The following PDE7A variants were observed in gnomAD, a reference collection of about 807,000 sequenced individuals.
PDE7A encodes the protein high affinity 3',5'-cyclic-AMP phosphodiesterase 7A.
Under a neutral mutation model 64.3 loss-of-function variants are expected in PDE7A, and 39 were observed. That is an observed-to-expected ratio of 0.61 (90% CI 0.47 to 0.79). PDE7A has a LOEUF of 0.79. PDE7A is among the 30% of genes least tolerant of loss of function. The probability of loss-of-function intolerance (pLI) is 0.00; values close to 1 mark genes in which losing one functional copy is unlikely to be tolerated. For synonymous variants in PDE7A, 203 were observed against 206.8 expected, an observed-to-expected ratio of 0.98 and a Z score of 0.16; for missense variants, 470 against 582.8, an observed-to-expected ratio of 0.81 and a Z score of 1.99.
At chr8:65,737,122 A>G (rs1209952936) in intron 6 of PDE7A, among the ~76,000 whole-genome samples, 1 of 151,974 alleles carries the variant, frequency 6.6e-6, no homozygotes, top group Non-Finnish European at 1.5e-5. Context: ...AAACAAACTA[A>G]CTAAAAACAC....
At chr8:65,745,275 G>A in intron 5 of PDE7A, 132 bp downstream of exon 5, 1 of 668,456 alleles carries the variant, frequency 1.5e-6, no homozygotes, top group Non-Finnish European at 2.7e-6. Flanking sequence ...TGTGAAAATG[G>A]ACTAATACAC....
Position 65,801,949 on chromosome 8 carries a change from CTT to C in PDE7A, c.139-19108_139-19107del, listed in dbSNP as rs139426281. Among the ~76,000 whole-genome samples, 1,121 of 152,274 alleles carry C rather than the reference CTT, an allele frequency of 7.4e-3. 3 individuals carry two copies. The highest frequency in any genetic ancestry group is 0.012 in the Non-Finnish European group (822 of 68,008). The stretch of plus-strand genomic sequence containing the variant: ...GTATTTAGCATATGTAATTATAACA[CTT>C]TGTTTAAAATAGAAGAGACAAAAAA... On this transcript the variant is annotated intron_variant, in intron 1 of 12. Coordinates refer to ENST00000401827, the MANE Select transcript of PDE7A (RefSeq NM_001242318.3).
intron 1 of PDE7A, among the ~76,000 whole-genome samples, chr8:65,793,906 CT>C (rs994985347): frequency 3.3e-5 from 5 of 152,182 alleles, no homozygotes; most frequent in Non-Finnish European, 7.4e-5. Flanking sequence ...CTTCTTACAA[CT>C]TTCTACAATT....
At chr8:65,832,501 T>C (rs1295150831) in intron 1 of PDE7A, among the ~76,000 whole-genome samples, 1 of 152,204 alleles carries the variant, frequency 6.6e-6, no homozygotes, top group African/African-American at 2.4e-5. Context: ...ATTGTGTACA[T>C]GTAACCTTCA....
chr8:65,776,800 C>T (rs1490397604), intron 3 of PDE7A, among the ~76,000 whole-genome samples: 3 of 152,146 alleles, frequency 2.0e-5, no homozygotes, highest in Non-Finnish European at 4.4e-5. Context: ...ACTATGTCAT[C>T]CATAAAAATG....
At chr8:65,801,799 T>C (rs1249866681) in intron 1 of PDE7A, among the ~76,000 whole-genome samples, 1 of 152,170 alleles carries the variant, frequency 6.6e-6, no homozygotes, top group African/African-American at 2.4e-5. Flanking sequence ...CTAACAGCAA[T>C]GTAACTTAAG....
chr8:65,741,676 G>A (rs1251839896), intron 5 of PDE7A, among the ~76,000 whole-genome samples: 1 of 152,214 alleles, frequency 6.6e-6, no homozygotes, highest in African/African-American at 2.4e-5. Context: ...ATGTGGTGTG[G>A]AGCCATTTCT....
chr8:65,732,924 G>A (rs569657207), intron 7 of PDE7A, among the ~76,000 whole-genome samples: 1 of 151,892 alleles, frequency 6.6e-6, no homozygotes, highest in African/African-American at 2.4e-5. Flanking sequence ...TGACCAGGCT[G>A]GTCTCAAACT....
At chr8:65,769,724 C>G (rs1391656021) in intron 3 of PDE7A, among the ~76,000 whole-genome samples, 1 of 152,010 alleles carries the variant, frequency 6.6e-6, no homozygotes, top group Non-Finnish European at 1.5e-5. Flanking sequence ...AGTGAAACCC[C>G]GTCTCTACTG....
intron 3 of PDE7A, among the ~76,000 whole-genome samples, chr8:65,774,183 T>C (rs930474870): frequency 3.8e-4 from 58 of 152,350 alleles, no homozygotes; most frequent in African/African-American, 1.3e-3. Context: ...AGAAAAACTA[T>C]GTATTGAATC....
intron 3 of PDE7A, among the ~76,000 whole-genome samples, chr8:65,777,507 T>C (rs1451299271): frequency 6.6e-6 from 1 of 152,230 alleles, no homozygotes; most frequent in Non-Finnish European, 1.5e-5. Context: ...TATAATTTGA[T>C]AATATGTTAT....
chr8:65,802,147 T>G (rs1033334680), intron 1 of PDE7A, among the ~76,000 whole-genome samples: 8 of 152,006 alleles, frequency 5.3e-5, no homozygotes, highest in Non-Finnish European at 1.0e-4. Context: ...ACACAGAAAG[T>G]AGAATAGAGG....
chr8:65,719,299 C>T lies in PDE7A; in HGVS notation c.1440G>A (p.Arg480=), dbSNP rs753381972. 1.2e-6 allele frequency: 2 copies of T among 1,612,906 alleles called. No individual in the cohort carries two copies. Among genetic ancestry groups the T allele is most frequent in the Non-Finnish European group, 8.5e-7 (1 of 1,178,992 alleles). Residue 480 remains arginine, a synonymous_variant, in exon 13 of 13, where the codon CGG becomes CGA. Transcript: ENST00000401827. The part of the protein sequence containing the change: ...LNSQLLPQEN[R]LS ...CCACTGGTTCTGGGGGTTATGATAA[C>T]CGATTTTCCTGAGGTAATAACTGTG...
chr8:65,834,584 T>C (rs1006778224), intron 1 of PDE7A, among the ~76,000 whole-genome samples: 3 of 152,212 alleles, frequency 2.0e-5, no homozygotes, highest in Admixed American at 6.5e-5. Context: ...AACTACACTT[T>C]GTTCTACTCA....
At chr8:65,826,094 A>G (rs1810665954) in intron 1 of PDE7A, among the ~76,000 whole-genome samples, 1 of 152,234 alleles carries the variant, frequency 6.6e-6, no homozygotes, top group Admixed American at 6.5e-5. Context: ...ACCAGAACAA[A>G]GCTGGCATAT....
rs149337509 is a variant in PDE7A at position 65,829,732 on chromosome 8, T to C, written c.138+11639A>G. Among the ~76,000 whole-genome samples the C allele has an allele frequency of 1.1e-3, 160 of 152,246 alleles. 1 individual carries two copies. The highest frequency in any genetic ancestry group is 3.2e-3 in the African/African-American group (135 of 41,560). ...TTATTTATAAAGTCCCTTTCAAGCATTGATATTCTGATTCCACAGAGTGAT... is the reference window on the plus strand; with the variant it reads ...TTATTTATAAAGTCCCTTTCAAGCACTGATATTCTGATTCCACAGAGTGAT... On this transcript the variant is annotated intron_variant, in intron 1 of 12. Transcript: ENST00000401827.
chr8:65,812,887 C>T (rs752218356), intron 1 of PDE7A, among the ~76,000 whole-genome samples: 4 of 152,036 alleles, frequency 2.6e-5, no homozygotes, highest in Non-Finnish European at 5.9e-5. Flanking sequence ...ATGGAGATAA[C>T]GAGAAAGAAA....
At chr8:65,721,653 T>C (rs185153924) in intron 12 of PDE7A, 1 of 152,330 alleles carries the variant, frequency 6.6e-6, no homozygotes, top group East Asian at 1.9e-4. Flanking sequence ...TGTTACCTTA[T>C]AAAAATTACA....
chr8:65,782,467 T>C (rs962026422), intron 2 of PDE7A, among the ~76,000 whole-genome samples: 1 of 152,226 alleles, frequency 6.6e-6, no homozygotes, highest in African/African-American at 2.4e-5. Flanking sequence ...CTGGCATTCA[T>C]CTATTTGGTA....
Sources: allele counts gnomAD v4.1 joint callset (sites outside exome capture counted in the v4.1 genomes callset), GRCh38; gene constraint gnomAD v4.1.1; transcripts MANE v1.5; gene names NCBI Gene and HGNC (gene_info 2026-07-23, HGNC 2026-07-21).